PRSS3: variants seen among roughly 807,000 people sequenced by gnomAD.
PRSS3 encodes trypsin-3.
In PRSS3, 14 loss-of-function variants were observed where a neutral mutation model predicts 20.8. The ratio of observed to expected loss-of-function variants is 0.67; its 90% CI spans 0.44 to 1.05. The LOEUF (loss-of-function observed/expected upper bound fraction) is 1.05. Ranked by LOEUF, PRSS3 falls within the 50% of genes least tolerant of loss-of-function variation. PRSS3 has a pLI of 0.00. For missense variants in PRSS3, 237 were observed against 306.4 expected, an observed-to-expected ratio of 0.77 and a Z score of 1.69; for synonymous variants, 91 against 117.6, an observed-to-expected ratio of 0.77 and a Z score of 1.46.
chr9:33,769,018 G>T (rs546405439), intron 1 of PRSS3, among the ~76,000 whole-genome samples: 12 of 152,162 alleles, frequency 7.9e-5, no homozygotes, highest in Non-Finnish European at 1.6e-4. Context: ...CTAGAAGAAA[G>T]ATGGACCTTG....
At chr9:33,780,140 GA>G (rs970769802) in intron 1 of PRSS3, among the ~76,000 whole-genome samples, 2 of 150,816 alleles carry the variant, frequency 1.3e-5, no homozygotes, top group Non-Finnish European at 1.5e-5. Flanking sequence ...CAAGGTAAAA[GA>G]AAAAAAAATT....
intron 1 of PRSS3, among the ~76,000 whole-genome samples, chr9:33,756,590 T>A (rs974241475): frequency 1.3e-5 from 2 of 152,154 alleles, no homozygotes; most frequent in Non-Finnish European, 2.9e-5. Context: ...TTTTTTATTT[T>A]AAAAAAATCC....
At chr9:33,753,315 A>T (rs903051880) in intron 1 of PRSS3, among the ~76,000 whole-genome samples, 1 of 152,232 alleles carries the variant, frequency 6.6e-6, no homozygotes, top group Admixed American at 6.5e-5. Flanking sequence ...ATAACCTTAA[A>T]GATTGTCAAG....
chr9:33,786,400 G>A (rs1183680846), intron 1 of PRSS3: 11 of 663,512 alleles, frequency 1.7e-5, no homozygotes, highest in Admixed American at 7.3e-5. Context: ...AGTAATTGTC[G>A]GCACAATAAA....
At position 33,775,416 on chromosome 9, in the gene PRSS3, C is replaced by G. The variant is rs188960658; in HGVS notation, c.-52-19330C>G. Reference sequence around the variant, plus strand: ...ATGGGAATGAACACTTGGAAATGAGCAGGACAAATCCACAGCTTCGCTAGC... The same window carrying G: ...ATGGGAATGAACACTTGGAAATGAGGAGGACAAATCCACAGCTTCGCTAGC... On this transcript the variant is annotated intron_variant, in intron 1 of 5. Coordinates refer to the PRSS3 transcript ENST00000342836. Among the ~76,000 whole-genome samples, 44 of 152,300 alleles carry G rather than the reference C, an allele frequency of 2.9e-4. No individual in the cohort carries two copies. The East Asian group carries it at 6.4e-3, about 22-fold the overall frequency.
At chr9:33,777,481 T>A (rs1429415515) in intron 1 of PRSS3, among the ~76,000 whole-genome samples, 15 of 135,782 alleles carry the variant, frequency 1.1e-4, no homozygotes, top group Admixed American at 8.3e-4. Context: ...GGTCAGGAGA[T>A]CGATACCATC....
In PRSS3 at chr9:33,798,112, C is replaced by T. The variant is rs773231657; in HGVS notation, c.454+30C>T. The T allele has an allele frequency of 1.9e-6, 3 of 1,614,172 alleles. No individual in the cohort carries two copies. In the East Asian group the frequency reaches 6.7e-5, roughly 36 times the overall value. On this transcript the variant is annotated intron_variant, in intron 3 of 4. Coordinates refer to ENST00000379405, the MANE Select transcript of PRSS3 (RefSeq NM_002771.4). ...GTGGGACCCTTTGTCCTTCTACTTC[C>T]CCCCATCCTCACAATTTCCAGAACG...
chr9:33,786,747 G>T, intron 1 of PRSS3: 1 of 765,754 alleles, frequency 1.3e-6, no homozygotes, highest in Admixed American at 1.7e-5. Flanking sequence ...CCCATCAGCC[G>T]CCCAAACCTA....
Position 33,750,822 on chromosome 9 carries a change from G to T in PRSS3, c.-53+95G>T, listed in dbSNP as rs1159712179. The T allele has an allele frequency of 7.2e-7, 1 of 1,397,938 alleles. No homozygotes were observed. The highest frequency in any genetic ancestry group is 9.2e-7 in the Non-Finnish European group (1 of 1,082,628). The allele number at this position is 1,397,938 out of a possible 1,614,324, so 86.6% of individuals were successfully genotyped here. A position where few individuals can be genotyped will look rare whatever the true frequency, so the allele number is the denominator to read the frequency against. On this transcript the variant is annotated intron_variant, in intron 1 of 5. Coordinates refer to the PRSS3 transcript ENST00000342836. The surrounding 1 kb of genome is among the most constrained non-coding windows in gnomAD (Gnocchi z 4.8). ...GGAGCGGGGCTGTGATGGAGAGGGG[G>T]TTCCGACTCGCATGGGACCTGCGGG...
chr9:33,764,170 G>A (rs531484975), intron 1 of PRSS3, among the ~76,000 whole-genome samples: 2 of 152,214 alleles, frequency 1.3e-5, no homozygotes, highest in African/African-American at 4.8e-5. Context: ...CAAATGGCTG[G>A]GACACTTGGA....
chr9:33,777,695 G>C (rs1823999260), intron 1 of PRSS3, among the ~76,000 whole-genome samples: 1 of 145,906 alleles, frequency 6.9e-6, no homozygotes. Flanking sequence ...GCGACAGAGC[G>C]AGACTGCGTC....
At position 33,775,055 on chromosome 9, in the gene PRSS3, T is replaced by TAG. The variant is rs767732545; in HGVS notation, c.-52-19691_-52-19690insAG. On this transcript the variant is annotated intron_variant, in intron 1 of 5. Transcript: ENST00000342836. ...CACAAAGAGGCAGGCAATTTCTTTC[T>TAG]GTAAAAAAAAAAAAAAAAGCAACAA... Among the ~76,000 whole-genome samples the TAG allele has an allele frequency of 3.0e-5, 4 of 134,502 alleles. No individual in the cohort carries two copies. In the East Asian group the frequency reaches 7.9e-4, roughly 27 times the overall value. The allele number at this position is 134,502 out of a possible 152,430, so 88.2% of individuals were successfully genotyped here.
chr9:33,798,537 C>A lies in PRSS3; in HGVS notation c.506C>A (p.Ala169Asp). Residue 169 changes from alanine to aspartate, a missense_variant, in exon 4 of 5, where the codon GCT becomes GAT. Coordinates refer to ENST00000379405, the MANE Select transcript of PRSS3 (RefSeq NM_002771.4). ...KCLDAPVLTQAECKASYPGKI... is the reference protein window; with the variant it reads ...KCLDAPVLTQDECKASYPGKI... ...CTGGATGCTCCGGTGCTGACCCAGGCTGAGTGTAAAGCCTCCTACCCTGGA... is the reference window on the plus strand; with the variant it reads ...CTGGATGCTCCGGTGCTGACCCAGGATGAGTGTAAAGCCTCCTACCCTGGA... 1 of 1,614,158 alleles carries A rather than the reference C, an allele frequency of 6.2e-7. No homozygotes were observed. The highest frequency in any genetic ancestry group is 8.5e-7 in the Non-Finnish European group (1 of 1,180,018).
At chr9:33,778,833 C>T (rs1420612980) in intron 1 of PRSS3, among the ~76,000 whole-genome samples, 3 of 151,900 alleles carry the variant, frequency 2.0e-5, no homozygotes, top group Admixed American at 6.5e-5. Flanking sequence ...GTGAGGGGGC[C>T]ATCTCTCTCC....
intron 1 of PRSS3, among the ~76,000 whole-genome samples, chr9:33,757,673 C>T (rs1013859308): frequency 5.9e-5 from 9 of 152,132 alleles, no homozygotes; most frequent in Non-Finnish European, 5.9e-5. Flanking sequence ...ACAGCACGGG[C>T]CCAGGCTTGT....
chr9:33,768,276 T>A (rs1449614694), intron 1 of PRSS3, among the ~76,000 whole-genome samples: 1 of 151,514 alleles, frequency 6.6e-6, no homozygotes, highest in African/African-American at 2.4e-5. Flanking sequence ...GGTCAGGAGT[T>A]CAAGACCAGC....
chr9:33,786,439 G>T (rs1455556850), intron 1 of PRSS3: 1 of 688,878 alleles, frequency 1.5e-6, no homozygotes, highest in Admixed American at 2.1e-5. Flanking sequence ...GGTCCTTTGG[G>T]AGCTGAGGTG....
intron 1 of PRSS3, among the ~76,000 whole-genome samples, chr9:33,784,454 C>T (rs1587389880): frequency 6.6e-6 from 1 of 152,194 alleles, no homozygotes; most frequent in Non-Finnish European, 1.5e-5. Flanking sequence ...CTGTCCGTGG[C>T]ATGTCCAATA....
At chr9:33,798,788 T>A in intron 4 of PRSS3, 166 bp downstream of exon 4, 1 of 1,216,636 alleles carries the variant, frequency 8.2e-7, no homozygotes, top group South Asian at 1.4e-5. Flanking sequence ...ATTGCCCCCA[T>A]GGAGAAACGA....
Sources: allele counts gnomAD v4.1 joint callset (sites outside exome capture counted in the v4.1 genomes callset), GRCh38; gene constraint gnomAD v4.1.1; non-coding constraint Gnocchi (gnomAD v3.1); transcripts MANE v1.5; gene names NCBI Gene and HGNC (gene_info 2026-07-23, HGNC 2026-07-21).